The following TBC1D30 variants were observed in gnomAD, a reference collection of about 807,000 sequenced individuals.
The protein encoded by TBC1D30 is TBC1 domain family member 30.
A neutral mutation model predicts 63.2 loss-of-function variants in TBC1D30; 31 were observed. The ratio of observed to expected loss-of-function variants is 0.49; its 90% CI spans 0.37 to 0.66. The LOEUF (loss-of-function observed/expected upper bound fraction) is 0.66, where lower values mean the gene tolerates loss of function less well. Ranked by LOEUF, TBC1D30 falls within the 30% of genes least tolerant of loss-of-function variation. TBC1D30 has a pLI of 0.00. For missense variants in TBC1D30, 810 were observed against 953.6 expected (o/e 0.85, Z 1.98); for synonymous variants, 307 against 361.5 (o/e 0.85, Z 1.71).
At chr12:64,814,973 T>C (rs1055859390) in intron 2 of TBC1D30, among the ~76,000 whole-genome samples, 1 of 152,240 alleles carries the variant, frequency 6.6e-6, no homozygotes, top group African/African-American at 2.4e-5. Flanking sequence ...AGGCCTATAG[T>C]GACTGACATA....
At chr12:64,851,395 C>T (rs1483094747) in intron 8 of TBC1D30, among the ~76,000 whole-genome samples, 1 of 152,168 alleles carries the variant, frequency 6.6e-6, no homozygotes, top group African/African-American at 2.4e-5. Context: ...AATCTTCCTC[C>T]ATCCCTTTAT....
chr12:64,816,361 G>A (rs1026810591), intron 2 of TBC1D30, among the ~76,000 whole-genome samples: 2 of 152,172 alleles, frequency 1.3e-5, no homozygotes, highest in African/African-American at 2.4e-5. Context: ...TAAGTCAAGA[G>A]AGTGTAATAC....
chr12:64,876,739 G>T lies in TBC1D30; in HGVS notation c.*951G>T. The T allele has an allele frequency of 2.2e-6, 1 of 453,468 alleles. No individual in the cohort carries two copies. Among genetic ancestry groups the T allele is most frequent in the Non-Finnish European group, 4.4e-6 (1 of 225,012 alleles). 28.1% of individuals were successfully genotyped at this position (453,468 alleles called of 1,614,324 possible). A position where few individuals can be genotyped will look rare whatever the true frequency, so the allele number is the denominator to read the frequency against. Reference sequence around the variant, plus strand: ...ACTTGAATTTTGTGCTTTTTGATTGGAGTCCTTTGTTGAGTACTTTGTTAA... The same window carrying T: ...ACTTGAATTTTGTGCTTTTTGATTGTAGTCCTTTGTTGAGTACTTTGTTAA... On this transcript the variant is annotated 3_prime_UTR_variant, in exon 12 of 12. Coordinates refer to ENST00000539867, the MANE Select transcript of TBC1D30 (RefSeq NM_015279.2).
intron 8 of TBC1D30, among the ~76,000 whole-genome samples, chr12:64,849,409 G>A (rs2136420549): frequency 6.6e-6 from 1 of 152,258 alleles, no homozygotes; most frequent in South Asian, 2.1e-4. Flanking sequence ...ATGGTTTTAG[G>A]TCTTACGTTT....
chr12:64,868,093 CT>C, intron 10 of TBC1D30: 1 of 167,300 alleles, frequency 6.0e-6, no homozygotes. Flanking sequence ...TTATTGGCTT[CT>C]TTGAAGCCTT....
intron 2 of TBC1D30, among the ~76,000 whole-genome samples, chr12:64,792,567 A>ATTAT (rs1186497286): frequency 1.3e-5 from 2 of 151,978 alleles, no homozygotes; most frequent in Admixed American, 6.6e-5. Context: ...TAGGCTAGTT[A>ATTAT]TTATTTATTT....
intron 7 of TBC1D30, among the ~76,000 whole-genome samples, chr12:64,840,050 G>A (rs1170859734): frequency 1.4e-5 from 2 of 147,208 alleles, no homozygotes; most frequent in Non-Finnish European, 3.0e-5. Context: ...TCAATTCAGG[G>A]ACTTAAAAAA....
At chr12:64,778,358 C>G (rs1003630177), upstream of TBC1D30, among the ~76,000 whole-genome samples, 1 of 151,896 alleles carries the variant, frequency 6.6e-6, no homozygotes, top group African/African-American at 2.4e-5. Context: ...AGACAAAATT[C>G]CTGCGCTCGG....
chr12:64,820,634 A>G (rs150423844), upstream of TBC1D30, among the ~76,000 whole-genome samples: 61 of 152,322 alleles, frequency 4.0e-4, 1 homozygote, highest in African/African-American at 1.4e-3. Context: ...TTGATTAGTA[A>G]AGAATAATGG....
At chr12:64,836,738 G>C (rs532264069) in intron 6 of TBC1D30, 80 bp downstream of exon 6, 9 of 1,280,688 alleles carry the variant, frequency 7.0e-6, no homozygotes, top group Non-Finnish European at 8.3e-6. Flanking sequence ...AACATTGAAT[G>C]GAAATATGTA....
chr12:64,867,459 C>CA (rs72095710), intron 10 of TBC1D30, among the ~76,000 whole-genome samples: 8,304 of 131,384 alleles, frequency 0.063, 664 homozygotes, highest in African/African-American at 0.18. Flanking sequence ...GACTCCATCT[C>CA]AAAAAAAAAA....
chr12:64,776,873 A>G (rs1682766577), upstream of TBC1D30, among the ~76,000 whole-genome samples: 4 of 152,356 alleles, frequency 2.6e-5, no homozygotes, highest in South Asian at 8.3e-4. Flanking sequence ...AATACTGGCA[A>G]ACTGAATCCA....
At chr12:64,759,993 A>T (rs1437732053) in intron 1 of TBC1D30, among the ~76,000 whole-genome samples, 2 of 152,292 alleles carry the variant, frequency 1.3e-5, no homozygotes, top group Non-Finnish European at 2.9e-5. Flanking sequence ...TAGCTCTCTT[A>T]ACTCCAAAGC....
At chr12:64,861,539 A>C (rs1362285536) in intron 8 of TBC1D30, among the ~76,000 whole-genome samples, 1 of 152,212 alleles carries the variant, frequency 6.6e-6, no homozygotes, top group African/African-American at 2.4e-5. Context: ...TTCTGTTCTA[A>C]GTGCCATACT....
chr12:64,770,011 C>G (rs1486587920), intron 1 of TBC1D30, among the ~76,000 whole-genome samples: 1 of 152,142 alleles, frequency 6.6e-6, no homozygotes, highest in Non-Finnish European at 1.5e-5. Context: ...TGGCTTCAAA[C>G]TTTTATACGA....
chr12:64,819,278 T>C (rs896673844), intron 2 of TBC1D30, among the ~76,000 whole-genome samples: 1 of 152,292 alleles, frequency 6.6e-6, no homozygotes, highest in East Asian at 1.9e-4. Flanking sequence ...TGTCAAATAA[T>C]TGTAGTTTTT....
At chr12:64,831,323 T>G (rs1466324013) in intron 4 of TBC1D30, among the ~76,000 whole-genome samples, 1 of 152,368 alleles carries the variant, frequency 6.6e-6, no homozygotes, top group South Asian at 2.1e-4. Flanking sequence ...TAAAAAGCCT[T>G]TGCATTATTC....
At chr12:64,781,648 A>G (rs1384715701) in intron 1 of TBC1D30, among the ~76,000 whole-genome samples, 2 of 150,224 alleles carry the variant, frequency 1.3e-5, no homozygotes, top group African/African-American at 4.9e-5. Flanking sequence ...ACCTACCTAG[A>G]GGGCGCCGCC....
chr12:64,763,321 A>G (rs1428055045), intron 1 of TBC1D30, among the ~76,000 whole-genome samples: 1 of 152,204 alleles, frequency 6.6e-6, no homozygotes, highest in Non-Finnish European at 1.5e-5. Context: ...TATATAATTC[A>G]CAAGTTGTCA....
Sources: allele counts gnomAD v4.1 joint callset (sites outside exome capture counted in the v4.1 genomes callset), GRCh38; gene constraint gnomAD v4.1.1; transcripts MANE v1.5; gene names NCBI Gene and HGNC (gene_info 2026-07-23, HGNC 2026-07-21).